Variants in ZNRF1 observed in about 807,000 individuals in gnomAD.
ZNRF1 encodes E3 ubiquitin-protein ligase ZNRF1.
In ZNRF1, 3 loss-of-function variants were observed where a neutral mutation model predicts 18.4. The observed-to-expected ratio is 0.16, with a 90% CI of 0.07 to 0.42. The LOEUF is 0.42. Among genes scored for constraint, ZNRF1 ranks in the 10% least tolerant of loss-of-function variants. The probability of loss-of-function intolerance (pLI) is 0.99; values close to 1 mark genes in which losing one functional copy is unlikely to be tolerated. For missense variants in ZNRF1, 310 were observed against 329.8 expected, an observed-to-expected ratio of 0.94 and a Z score of 0.47; for synonymous variants, 157 against 144.2, an observed-to-expected ratio of 1.09 and a Z score of -0.64.
intron 1 of ZNRF1, among the ~76,000 whole-genome samples, chr16:75,036,349 T>C (rs1233091622): frequency 6.6e-6 from 1 of 152,190 alleles, no homozygotes; most frequent in African/African-American, 2.4e-5. Context: ...CAGGCTGGTC[T>C]TGAACTCCTG....
chr16:75,067,285 A>G (rs747337637), intron 1 of ZNRF1, among the ~76,000 whole-genome samples: 1 of 152,226 alleles, frequency 6.6e-6, no homozygotes, highest in Non-Finnish European at 1.5e-5. Flanking sequence ...GAAGTCACAC[A>G]GCATCTGCCA....
chr16:75,050,386 C>T (rs571397592), intron 1 of ZNRF1, among the ~76,000 whole-genome samples: 87 of 151,946 alleles, frequency 5.7e-4, no homozygotes, highest in African/African-American at 2.1e-3. Flanking sequence ...ATTAGCTGGG[C>T]GTGGTGGTGC....
At chr16:75,080,761 C>A (rs922886073) in intron 1 of ZNRF1, among the ~76,000 whole-genome samples, 3 of 152,266 alleles carry the variant, frequency 2.0e-5, no homozygotes, top group Non-Finnish European at 2.9e-5. Context: ...TAAGTCCCAG[C>A]TACTTGAGGG....
chr16:75,034,144 G>A (rs1046395288), intron 1 of ZNRF1, among the ~76,000 whole-genome samples: 6 of 152,140 alleles, frequency 3.9e-5, no homozygotes, highest in Non-Finnish European at 8.8e-5. Flanking sequence ...GCGACAGAGC[G>A]AGGCTCCGTC....
chr16:75,069,903 C>A (rs528110403), intron 1 of ZNRF1, among the ~76,000 whole-genome samples: 2 of 152,288 alleles, frequency 1.3e-5, no homozygotes, highest in Middle Eastern at 3.4e-3. Flanking sequence ...AGCCCATTCC[C>A]CTTGTAGAGT....
chr16:75,043,134 CT>C (rs1391117913), intron 1 of ZNRF1, among the ~76,000 whole-genome samples: 1 of 152,218 alleles, frequency 6.6e-6, no homozygotes, highest in African/African-American at 2.4e-5. Flanking sequence ...CATCTCTCCT[CT>C]TTTTGAGCCT....
chr16:75,003,036 C>T (rs1324768527), intron 1 of ZNRF1, among the ~76,000 whole-genome samples: 1 of 152,242 alleles, frequency 6.6e-6, no homozygotes, highest in Non-Finnish European at 1.5e-5. Context: ...TCACTGCAGT[C>T]TCCGCCTCCC....
chr16:75,083,701 A>C (rs536343095), intron 1 of ZNRF1, among the ~76,000 whole-genome samples: 1 of 152,180 alleles, frequency 6.6e-6, no homozygotes, highest in Non-Finnish European at 1.5e-5. Context: ...TTGACTTCCA[A>C]TGCCAACCAT....
At chr16:75,076,670 C>T (rs984040515) in intron 1 of ZNRF1, among the ~76,000 whole-genome samples, 1 of 147,080 alleles carries the variant, frequency 6.8e-6, no homozygotes, top group African/African-American at 2.5e-5. Flanking sequence ...ATGCCATGTG[C>T]TACGGACTGA....
At chr16:75,089,128 G>A (rs569534053) in intron 1 of ZNRF1, among the ~76,000 whole-genome samples, 1 of 152,154 alleles carries the variant, frequency 6.6e-6, no homozygotes, top group Admixed American at 6.5e-5. Flanking sequence ...GTTTAGACAG[G>A]GTCTCACTCT....
chr16:75,050,906 C>G (rs1323984315), intron 1 of ZNRF1, among the ~76,000 whole-genome samples: 2 of 111,006 alleles, frequency 1.8e-5, no homozygotes, highest in Non-Finnish European at 1.8e-5. Context: ...AAACAAAAAA[C>G]TTGTAGCCAG....
At chr16:75,057,056 A>T (rs1186389294) in intron 1 of ZNRF1, among the ~76,000 whole-genome samples, 2 of 152,062 alleles carry the variant, frequency 1.3e-5, no homozygotes, top group Admixed American at 6.6e-5. Context: ...TTTGATGGAC[A>T]TTTCTCCATA....
chr16:75,060,658 G>T (rs907069895), intron 1 of ZNRF1, among the ~76,000 whole-genome samples: 8 of 151,710 alleles, frequency 5.3e-5, no homozygotes. Context: ...TGTATTTTTA[G>T]TAGAGATGGG....
chr16:75,030,237 A>G (rs1269760764), intron 1 of ZNRF1, among the ~76,000 whole-genome samples: 1 of 152,160 alleles, frequency 6.6e-6, no homozygotes, highest in Admixed American at 6.5e-5. Flanking sequence ...TGGTCAACTG[A>G]TTTTCAACAA....
At chr16:75,094,019 C>T (rs962797514) in intron 2 of ZNRF1, among the ~76,000 whole-genome samples, 1 of 152,216 alleles carries the variant, frequency 6.6e-6, no homozygotes, top group Non-Finnish European at 1.5e-5. Context: ...CCAAGACAGC[C>T]AGGTGTCCTC....
chr16:75,013,063 G>A (rs1248140295), intron 1 of ZNRF1, among the ~76,000 whole-genome samples: 3 of 152,190 alleles, frequency 2.0e-5, no homozygotes, highest in African/African-American at 4.8e-5. Context: ...CTTCAACAAT[G>A]ACTTTTAACT....
Position 75,073,254 on chromosome 16 carries a change from AT to A in ZNRF1, c.425-20308del, listed in dbSNP as rs575700378. Among the ~76,000 whole-genome samples, 1,048 of 149,596 alleles carry A rather than the reference AT, an allele frequency of 7.0e-3. 9 individuals carry two copies. Among genetic ancestry groups the A allele is most frequent in the African/African-American group, 0.025 (1,006 of 40,774 alleles). On this transcript the variant is annotated intron_variant, in intron 1 of 4. Transcript: ENST00000335325. ...TACATAAATATAAAATTGAGGCAAGATTTTTTTTTTCACAATTGTTGATTGC... is the reference window on the plus strand; with the variant it reads ...TACATAAATATAAAATTGAGGCAAGATTTTTTTTTCACAATTGTTGATTGC...
intron 1 of ZNRF1, among the ~76,000 whole-genome samples, chr16:75,075,113 T>A (rs2035922644): frequency 6.6e-6 from 1 of 150,746 alleles, no homozygotes; most frequent in African/African-American, 2.4e-5. Context: ...TGGGAGGGAG[T>A]AAATGGAGAG....
At chr16:75,089,411 G>A (rs1347615261) in intron 1 of ZNRF1, among the ~76,000 whole-genome samples, 1 of 152,164 alleles carries the variant, frequency 6.6e-6, no homozygotes, top group Non-Finnish European at 1.5e-5. Context: ...GCCCAGCCCA[G>A]AGCTATTTCT....
Sources: gnomAD v4.1 joint callset for allele counts (sites outside exome capture counted in the v4.1 genomes callset) on GRCh38, gnomAD v4.1.1 for gene constraint, MANE v1.5 for transcripts, NCBI Gene and HGNC (gene_info 2026-07-23, HGNC 2026-07-21) for gene names.